The following PBX3 variants were observed in gnomAD, a reference collection of about 807,000 sequenced individuals.
PBX3 encodes the protein PBX homeobox 3, also known as pre-B-cell leukemia transcription factor 3.
Under a neutral mutation model 48.5 loss-of-function variants are expected in PBX3, and 14 were observed. The observed-to-expected ratio is 0.29, with a 90% confidence interval of 0.19 to 0.45. The LOEUF (loss-of-function observed/expected upper bound fraction) is 0.45, where lower values mean the gene tolerates loss of function less well. Ranked by LOEUF, PBX3 falls within the 20% of genes least tolerant of loss-of-function variation. The pLI is 1.00. For synonymous variants in PBX3, 210 were observed against 200.3 expected, an observed-to-expected ratio of 1.05 and a Z score of -0.41; for missense variants, 386 against 546.7, an observed-to-expected ratio of 0.71 and a Z score of 2.93.
At chr9:125,815,568 A>G (rs1838435519) in intron 2 of PBX3, among the ~76,000 whole-genome samples, 1 of 152,066 alleles carries the variant, frequency 6.6e-6, no homozygotes, top group East Asian at 1.9e-4. Flanking sequence ...CTTTACTTTT[A>G]TATGAAACAG....
intron 2 of PBX3, among the ~76,000 whole-genome samples, chr9:125,863,180 G>C (rs1260604089): frequency 6.6e-6 from 1 of 151,422 alleles, no homozygotes; most frequent in Non-Finnish European, 1.5e-5. Flanking sequence ...TTACAGGCAT[G>C]AGCCACTGTG....
chr9:125,794,954 G>T (rs1466823269), intron 2 of PBX3, among the ~76,000 whole-genome samples: 1 of 152,126 alleles, frequency 6.6e-6, no homozygotes, highest in Non-Finnish European at 1.5e-5. Context: ...AACTCAAACT[G>T]AATTCAGTAT....
chr9:125,953,199 G>T (rs1398450546), intron 5 of PBX3, among the ~76,000 whole-genome samples: 1 of 152,068 alleles, frequency 6.6e-6, no homozygotes, highest in East Asian at 1.9e-4. Context: ...GGACTAAGGG[G>T]CCAGGCATGG....
intron 2 of PBX3, among the ~76,000 whole-genome samples, chr9:125,762,597 A>G (rs1836699474): frequency 6.6e-6 from 1 of 152,220 alleles, no homozygotes; most frequent in African/African-American, 2.4e-5. Flanking sequence ...AAAAGACTGC[A>G]ATGCAATGAA....
chr9:125,760,040 C>A (rs1836622828), intron 2 of PBX3, among the ~76,000 whole-genome samples: 1 of 152,172 alleles, frequency 6.6e-6, no homozygotes, highest in Non-Finnish European at 1.5e-5. Context: ...AGGATCCTGC[C>A]ATTTACAAAT....
rs749502680 is a variant in PBX3 at position 125,929,804 on chromosome 9, T to C, written c.666T>C (p.Cys222=). 2.5e-6 allele frequency: 4 copies of C among 1,614,116 alleles called. No individual in the cohort carries two copies. The Admixed American group carries it at 5.0e-5, about 20-fold the overall frequency. The change falls in exon 4 of 9, where the codon TGT becomes TGC. Residue 222 remains cysteine (C), a synonymous_variant. Coordinates refer to ENST00000373489, the MANE Select transcript of PBX3 (RefSeq NM_006195.6). ...SIQMQLKQST[C]EAVMILRSRF... ...AGATGCAGCTCAAACAAAGCACTTG[T>C]GAAGCAGTTATGATTTTAAGATCAA...
chr9:125,869,471 A>T (rs1840064742), intron 2 of PBX3, among the ~76,000 whole-genome samples: 1 of 152,216 alleles, frequency 6.6e-6, no homozygotes, highest in Non-Finnish European at 1.5e-5. Flanking sequence ...AAGGAGTATT[A>T]TAATGAAACT....
intron 2 of PBX3, among the ~76,000 whole-genome samples, chr9:125,756,642 A>G (rs1297185960): frequency 6.6e-6 from 1 of 152,114 alleles, no homozygotes; most frequent in Non-Finnish European, 1.5e-5. Context: ...AGCCATGTGG[A>G]TTATTTAGTC....
chr9:125,840,417 G>T (rs965515502), intron 2 of PBX3, among the ~76,000 whole-genome samples: 4 of 151,556 alleles, frequency 2.6e-5, no homozygotes, highest in African/African-American at 7.3e-5. Context: ...CACAAAAGGT[G>T]TAGTAACATA....
chr9:125,752,420 G>C (rs1274938999), intron 2 of PBX3, among the ~76,000 whole-genome samples: 2 of 152,146 alleles, frequency 1.3e-5, no homozygotes, highest in African/African-American at 4.8e-5. Context: ...TCCCTAGAAA[G>C]AGTCATAAGA....
At chr9:125,960,001 G>A (rs1212810273) in intron 5 of PBX3, among the ~76,000 whole-genome samples, 7 of 152,142 alleles carry the variant, frequency 4.6e-5, no homozygotes, top group Non-Finnish European at 7.3e-5. Context: ...CATTTGCACC[G>A]GCTGACATCA....
intron 5 of PBX3, among the ~76,000 whole-genome samples, chr9:125,944,721 TAGG>T (rs1392822534): frequency 6.6e-6 from 1 of 151,960 alleles, no homozygotes; most frequent in Non-Finnish European, 1.5e-5. Flanking sequence ...ACAGATATGT[TAGG>T]AGAACAGTTT....
At chr9:125,931,350 G>A (rs1333949325) in intron 4 of PBX3, among the ~76,000 whole-genome samples, 1 of 152,198 alleles carries the variant, frequency 6.6e-6, no homozygotes, top group African/African-American at 2.4e-5. Context: ...CCAGGCTGGA[G>A]TGCAGTAAAT....
At chr9:125,920,954 T>C (rs1841444006) in intron 3 of PBX3, among the ~76,000 whole-genome samples, 1 of 152,256 alleles carries the variant, frequency 6.6e-6, no homozygotes, top group African/African-American at 2.4e-5. Flanking sequence ...GCTGGCAAAA[T>C]AGCTTTTGCT....
chr9:125,863,686 A>T (rs2132297176), intron 2 of PBX3, among the ~76,000 whole-genome samples: 1 of 152,330 alleles, frequency 6.6e-6, no homozygotes, highest in Admixed American at 6.5e-5. Flanking sequence ...AGATGAAGTG[A>T]TGAAGAAACA....
chr9:125,793,366 A>ATAT (rs1554855766), intron 2 of PBX3, among the ~76,000 whole-genome samples: 3,460 of 101,844 alleles, frequency 0.034, 95 homozygotes, highest in Admixed American at 0.048. Flanking sequence ...GGAAAAAAAA[A>ATAT]ATATATATAT....
chr9:125,863,810 A>G (rs1839919386), intron 2 of PBX3, among the ~76,000 whole-genome samples: 1 of 151,966 alleles, frequency 6.6e-6, no homozygotes, highest in African/African-American at 2.4e-5. Context: ...CCGTGTTTTT[A>G]TTTCCTTCTC....
At chr9:125,752,073 A>G (rs1836391232) in intron 2 of PBX3, among the ~76,000 whole-genome samples, 1 of 152,238 alleles carries the variant, frequency 6.6e-6, no homozygotes, top group African/African-American at 2.4e-5. Flanking sequence ...AAAAAAAATA[A>G]ACACAACCTT....
intron 2 of PBX3, among the ~76,000 whole-genome samples, chr9:125,854,657 A>G (rs1839673781): frequency 1.3e-5 from 2 of 152,212 alleles, no homozygotes; most frequent in South Asian, 4.1e-4. Context: ...CAGTTGTCTC[A>G]GATTTTCCAA....
Sources: allele counts gnomAD v4.1 joint callset (sites outside exome capture counted in the v4.1 genomes callset), GRCh38; gene constraint gnomAD v4.1.1; transcripts MANE v1.5; gene names NCBI Gene and HGNC (gene_info 2026-07-23, HGNC 2026-07-21).